Variants in DDX1 observed in about 807,000 individuals in gnomAD.
The protein encoded by DDX1 is ATP-dependent RNA helicase DDX1.
In DDX1, 28 loss-of-function variants were observed where a neutral mutation model predicts 108.7. The observed-to-expected ratio is 0.26, with a 90% CI of 0.19 to 0.35. DDX1 has a LOEUF of 0.35. Among genes scored for constraint, DDX1 ranks in the 10% least tolerant of loss-of-function variants. The pLI, the probability that DDX1 is intolerant of heterozygous loss-of-function variation, is 1.00. For missense variants in DDX1, 710 were observed against 884.5 expected (o/e 0.80, Z 2.50); for synonymous variants, 295 against 288.9 (o/e 1.02, Z -0.21).
chr2:15,612,287 C>T (rs1425934939), intron 13 of DDX1, among the ~76,000 whole-genome samples: 5 of 149,204 alleles, frequency 3.4e-5, no homozygotes, highest in Non-Finnish European at 7.4e-5. Context: ...ACCTCCCAGA[C>T]GGGGTCGCGG....
At position 15,607,227 on chromosome 2, in the gene DDX1, C is replaced by T. The variant is rs140378645; in HGVS notation, c.870C>T (p.Leu290=). The T allele has an allele frequency of 7.4e-6, 12 of 1,613,754 alleles. 1 individual carries two copies. In the African/African-American group the frequency reaches 1.5e-4, roughly 20 times the overall value. The part of the protein sequence containing the change: ...TKFLPNAPKA[L]IVEPSRELAE... Reference sequence around the variant, plus strand: ...TTCTCCCCAATGCTCCGAAAGCTCTCATTGTTGAACCTTCCCGGGAGTTAG... The same window carrying T: ...TTCTCCCCAATGCTCCGAAAGCTCTTATTGTTGAACCTTCCCGGGAGTTAG... The change falls in exon 13 of 26, where the codon CTC becomes CTT. Residue 290 remains leucine (L), a synonymous_variant. Transcript: ENST00000233084.
At chr2:15,625,568 G>A (rs1666087501) in intron 19 of DDX1, among the ~76,000 whole-genome samples, 1 of 152,106 alleles carries the variant, frequency 6.6e-6, no homozygotes, top group Non-Finnish European at 1.5e-5. Flanking sequence ...TACAGGTATA[G>A]GTAGATATGT....
chr2:15,626,933 T>C, intron 19 of DDX1, 121 bp from the exon 20 acceptor site: 2 of 592,940 alleles, frequency 3.4e-6, no homozygotes, highest in East Asian at 2.8e-5. Flanking sequence ...TTATAGCAAG[T>C]TGGGGCATAG....
intron 16 of DDX1, among the ~76,000 whole-genome samples, chr2:15,619,246 G>A (rs1247018860): frequency 6.6e-6 from 1 of 152,236 alleles, no homozygotes; most frequent in East Asian, 1.9e-4. Context: ...GGGCTCCAGG[G>A]TCCTCCCAGG....
rs548989569 is a variant in DDX1 at position 15,630,693 on chromosome 2, G to C, written c.2093-83G>C. 3.7e-5 allele frequency: 54 copies of C among 1,447,094 alleles called. No individual in the cohort carries two copies. In the African/African-American group the frequency reaches 7.3e-4, roughly 20 times the overall value. 89.6% of individuals were successfully genotyped at this position (1,447,094 alleles called of 1,614,324 possible). A position where few individuals can be genotyped will look rare whatever the true frequency, so the allele number is the denominator to read the frequency against. ...TTTATTGCTGCAAGCAAAGTTTAAA[G>C]TGATATAATTGAGCCAAAGTATTGC... On this transcript the variant is annotated intron_variant, in intron 25 of 25. Transcript: ENST00000233084.
chr2:15,619,137 T>C (rs1403498683), intron 16 of DDX1, among the ~76,000 whole-genome samples: 1 of 151,780 alleles, frequency 6.6e-6, no homozygotes, highest in African/African-American at 2.4e-5. Context: ...CAGCTCCATC[T>C]CAGGGCTCCT....
intron 14 of DDX1, among the ~76,000 whole-genome samples, chr2:15,616,199 C>T (rs1665890964): frequency 6.6e-6 from 1 of 152,144 alleles, no homozygotes; most frequent in African/African-American, 2.4e-5. Context: ...AGGCGTGAGC[C>T]ACCGCGCCGG....
intron 7 of DDX1, 92 bp from the exon 8 acceptor site, chr2:15,603,100 C>A: frequency 2.4e-6 from 2 of 817,030 alleles, no homozygotes; most frequent in South Asian, 1.6e-5. Flanking sequence ...TGGTACATAC[C>A]TGTGTAATTC....
intron 14 of DDX1, among the ~76,000 whole-genome samples, chr2:15,616,870 A>T (rs984799225): frequency 9.9e-5 from 15 of 152,236 alleles, no homozygotes; most frequent in Admixed American, 5.9e-4. Flanking sequence ...GAAAATTGGT[A>T]CTAGAGGAGA....
At chr2:15,617,452 A>T in intron 15 of DDX1, 110 bp downstream of exon 15, 1 of 466,476 alleles carries the variant, frequency 2.1e-6, no homozygotes, top group East Asian at 3.5e-5. Context: ...CTACCTAGAG[A>T]TAATCATTGT....
At chr2:15,624,228 T>C (rs1666060361) in intron 19 of DDX1, among the ~76,000 whole-genome samples, 1 of 152,138 alleles carries the variant, frequency 6.6e-6, no homozygotes, top group African/African-American at 2.4e-5. Context: ...AGAAAGCCAG[T>C]CTAGCTATAT....
rs10221770 is a variant in DDX1, at chr2:15,591,874, A to G, written c.-60A>G. The G allele has an allele frequency of 0.63, 923,178 of 1,460,938 alleles. 296,658 individuals carry two copies. The highest frequency in any genetic ancestry group is 0.92 in the East Asian group (30,659 of 33,312). The allele number at this position is 1,460,938 out of a possible 1,614,324, so 90.5% of individuals were successfully genotyped here. A position where few individuals can be genotyped will look rare whatever the true frequency, so the allele number is the denominator to read the frequency against. ...GCCGGAAGCGCGCGCCGCCACTGCC[A>G]CGCCGTGTCAGTCGGGAGGGAGGGA... is the stretch of plus-strand genomic sequence containing the variant. On this transcript the variant is annotated 5_prime_UTR_variant, in exon 1 of 26. Transcript: ENST00000233084.
intron 14 of DDX1, among the ~76,000 whole-genome samples, chr2:15,614,614 A>C (rs1419190796): frequency 6.6e-6 from 1 of 152,180 alleles, no homozygotes; most frequent in Non-Finnish European, 1.5e-5. Flanking sequence ...TAGTTATTGC[A>C]GGAGTTTCGG....
At chr2:15,626,938 G>T in intron 19 of DDX1, 116 bp from the exon 20 acceptor site, 1 of 599,742 alleles carries the variant, frequency 1.7e-6, no homozygotes, top group Non-Finnish European at 2.9e-6. Flanking sequence ...GCAAGTTGGG[G>T]CATAGATTTT....
intron 24 of DDX1, 70 bp from the exon 25 acceptor site, chr2:15,629,919 AT>A: frequency 7.0e-7 from 1 of 1,435,322 alleles, no homozygotes; most frequent in Non-Finnish European, 9.5e-7. Flanking sequence ...TTCCAGCTTT[AT>A]TTAATGATGA....
rs13412818 is a variant in DDX1, at chr2:15,616,581, C to G, written c.1018-663C>G. ...ATTTAGTATTCTAAACTTCCGTTTT[C>G]TCATTGAATAGGGATGATTATAGTA... On this transcript the variant is annotated intron_variant, in intron 14 of 25. Transcript: ENST00000233084. Among the ~76,000 whole-genome samples the G allele has an allele frequency of 5.0e-3, 758 of 152,278 alleles. 9 individuals are homozygous for G. The highest frequency in any genetic ancestry group is 0.017 in the African/African-American group (716 of 41,542).
intron 16 of DDX1, among the ~76,000 whole-genome samples, chr2:15,619,281 T>G (rs1665951362): frequency 6.6e-6 from 1 of 152,194 alleles, no homozygotes; most frequent in Non-Finnish European, 1.5e-5. Context: ...ACTGTCCGCC[T>G]CCTCTCTGTG....
intron 20 of DDX1, among the ~76,000 whole-genome samples, 160 bp from the exon 21 acceptor site, chr2:15,628,285 A>T (rs911835615): frequency 1.3e-5 from 2 of 152,210 alleles, no homozygotes; most frequent in Admixed American, 6.5e-5. Context: ...ATGACATAAA[A>T]CTTCAAGACT....
At chr2:15,597,717 A>C (rs1558450650) in intron 5 of DDX1, among the ~76,000 whole-genome samples, 1 of 152,178 alleles carries the variant, frequency 6.6e-6, no homozygotes, top group African/African-American at 2.4e-5. Context: ...TGGAGATTAC[A>C]TTTCAATATT....
Sources: gnomAD v4.1 joint callset for allele counts (sites outside exome capture counted in the v4.1 genomes callset) on GRCh38, gnomAD v4.1.1 for gene constraint, MANE v1.5 for transcripts, NCBI Gene and HGNC (gene_info 2026-07-23, HGNC 2026-07-21) for gene names.